Variants in NTM observed in about 807,000 individuals in gnomAD.
NTM encodes the protein neurotrimin, also known as IgLON family member 2.
In NTM, 13 loss-of-function variants were observed where a neutral mutation model predicts 42.1. The ratio of observed to expected loss-of-function variants is 0.31; its 90% CI spans 0.20 to 0.49. The LOEUF is 0.49. Among genes scored for constraint, NTM ranks in the 20% least tolerant of loss-of-function variants. The pLI is 0.99. For synonymous variants in NTM, 187 were observed against 179.2 expected (o/e 1.04, Z -0.35); for missense variants, 373 against 452.8 (o/e 0.82, Z 1.60).
intron 2 of NTM, among the ~76,000 whole-genome samples, chr11:132,072,752 C>T (rs1298765037): frequency 6.6e-6 from 1 of 152,114 alleles, no homozygotes; most frequent in Non-Finnish European, 1.5e-5. Context: ...TCCCTGCCAC[C>T]TCCCCGGGAG....
intron 2 of NTM, among the ~76,000 whole-genome samples, chr11:132,029,891 A>G (rs2075698104): frequency 1.3e-5 from 2 of 152,182 alleles, no homozygotes; most frequent in South Asian, 4.1e-4. Flanking sequence ...TCGTGTTTAC[A>G]TAGGGCAGGC....
intron 1 of NTM, among the ~76,000 whole-genome samples, chr11:131,789,673 TGGGCCG>T (rs2090557822): frequency 2.8e-5 from 4 of 142,458 alleles, no homozygotes; most frequent in African/African-American, 7.7e-5. Context: ...GAAGAAAGCA[TGGGCCG>T]GGGGCGGTGG....
intron 1 of NTM, among the ~76,000 whole-genome samples, chr11:131,801,858 C>T (rs562363355): frequency 6.6e-6 from 1 of 152,146 alleles, no homozygotes; most frequent in South Asian, 2.1e-4. Flanking sequence ...GTGAGCTGGG[C>T]CCATCTTTCC....
Position 132,131,370 on chromosome 11 carries a change from A to G in NTM, c.168-14912A>G, listed in dbSNP as rs543579119. Among the ~76,000 whole-genome samples the G allele has an allele frequency of 2.0e-5, 3 of 152,350 alleles. No individual in the cohort carries two copies. In the East Asian group the frequency reaches 5.8e-4, roughly 29 times the overall value. On this transcript the variant is annotated intron_variant, in intron 2 of 8. Transcript: ENST00000683400. ...TGATATTTACTGACTGCCTGTGATAATGAACTAGGTACCATGGAAGGCACA... is the reference window on the plus strand; with the variant it reads ...TGATATTTACTGACTGCCTGTGATAGTGAACTAGGTACCATGGAAGGCACA...
chr11:132,237,732 G>T (rs2089318959), intron 4 of NTM, among the ~76,000 whole-genome samples: 1 of 152,164 alleles, frequency 6.6e-6, no homozygotes, highest in Non-Finnish European at 1.5e-5. Flanking sequence ...GCAAGTAAAA[G>T]CTTGGATGTC....
intron 7 of NTM, among the ~76,000 whole-genome samples, chr11:132,327,490 T>C (rs2095708401): frequency 1.3e-5 from 2 of 152,200 alleles, no homozygotes; most frequent in Admixed American, 6.5e-5. Flanking sequence ...TGGTTAAGCA[T>C]TTCTATGGTA....
At chr11:132,033,794 G>T (rs999000179) in intron 2 of NTM, among the ~76,000 whole-genome samples, 9 of 152,206 alleles carry the variant, frequency 5.9e-5, no homozygotes, top group African/African-American at 2.2e-4. Context: ...ATGAGTCAGA[G>T]ATAAATCCGG....
intron 4 of NTM, among the ~76,000 whole-genome samples, chr11:132,219,226 T>G (rs922996048): frequency 6.6e-6 from 1 of 152,160 alleles, no homozygotes; most frequent in Admixed American, 6.5e-5. Context: ...TCTGGTGACT[T>G]TCTTCAGGCA....
chr11:131,995,133 C>T (rs1275722380), intron 2 of NTM, among the ~76,000 whole-genome samples: 2 of 152,190 alleles, frequency 1.3e-5, no homozygotes, highest in Non-Finnish European at 2.9e-5. Flanking sequence ...TCCTTTAAGC[C>T]CAAGTCCTGC....
intron 3 of NTM, among the ~76,000 whole-genome samples, chr11:132,157,780 C>A (rs1165342264): frequency 3.3e-5 from 5 of 152,176 alleles, no homozygotes; most frequent in Non-Finnish European, 5.9e-5. Flanking sequence ...CAACCCTAAA[C>A]CTGCTCCTCC....
intron 2 of NTM, among the ~76,000 whole-genome samples, chr11:131,924,227 G>A (rs890029204): frequency 1.3e-5 from 2 of 152,120 alleles, no homozygotes; most frequent in Non-Finnish European, 1.5e-5. Context: ...AAGTATCAAC[G>A]CAGTTCATTG....
chr11:131,660,436 A>G, intron 1 of NTM: 1 of 456,692 alleles, frequency 2.2e-6, no homozygotes, highest in Non-Finnish European at 4.4e-6. Context: ...GTCATTTGAA[A>G]GAGCCCAGAA....
chr11:131,952,204 C>T (rs1401651623), intron 2 of NTM, among the ~76,000 whole-genome samples: 1 of 152,092 alleles, frequency 6.6e-6, no homozygotes, highest in African/African-American at 2.4e-5. Flanking sequence ...ACTCAAGTAC[C>T]TCCTCCTCCT....
At chr11:131,700,444 A>G (rs777615045) in intron 1 of NTM, among the ~76,000 whole-genome samples, 11 of 151,954 alleles carry the variant, frequency 7.2e-5, no homozygotes, top group Admixed American at 5.9e-4. Context: ...TGTTCATTCT[A>G]TATCTCTCGC....
At chr11:131,643,553 C>T (rs2134251007) in intron 1 of NTM, among the ~76,000 whole-genome samples, 1 of 152,308 alleles carries the variant, frequency 6.6e-6, no homozygotes, top group South Asian at 2.1e-4. Flanking sequence ...CTCTCTCTCT[C>T]TCGTGTCGCA....
intron 1 of NTM, among the ~76,000 whole-genome samples, chr11:131,506,826 G>C (rs1029151946): frequency 6.6e-6 from 1 of 152,190 alleles, no homozygotes; most frequent in Non-Finnish European, 1.5e-5. Context: ...TCTACCAAAA[G>C]CAGGTACCTC....
chr11:131,437,081 T>C (rs963746869), intron 1 of NTM, among the ~76,000 whole-genome samples: 1 of 152,238 alleles, frequency 6.6e-6, no homozygotes, highest in African/African-American at 2.4e-5. Context: ...AGTTTCCATG[T>C]AGTTGTGTAG....
intron 1 of NTM, among the ~76,000 whole-genome samples, chr11:131,655,433 A>G (rs2067056694): frequency 6.6e-6 from 1 of 152,138 alleles, no homozygotes; most frequent in Non-Finnish European, 1.5e-5. Context: ...TTTTGGCAAC[A>G]CCTCAGAGAA....
intron 1 of NTM, among the ~76,000 whole-genome samples, chr11:131,529,811 A>G (rs989483353): frequency 1.3e-5 from 2 of 152,174 alleles, no homozygotes; most frequent in African/African-American, 2.4e-5. Context: ...AGGCATAATC[A>G]CTACTGTTTT....
Sources: allele counts gnomAD v4.1 joint callset (sites outside exome capture counted in the v4.1 genomes callset), GRCh38; gene constraint gnomAD v4.1.1; transcripts MANE v1.5; gene names NCBI Gene and HGNC (gene_info 2026-07-23, HGNC 2026-07-21).